Variants in RNF20 observed in about 807,000 individuals in gnomAD.
The protein encoded by RNF20 is E3 ubiquitin-protein ligase BRE1A.
In RNF20, 84 loss-of-function variants were observed where a neutral mutation model predicts 126.2. The ratio of observed to expected loss-of-function variants is 0.67; its 90% CI spans 0.56 to 0.80. RNF20 has a LOEUF of 0.80. Ranked by LOEUF, RNF20 falls within the 30% of genes least tolerant of loss-of-function variation. The pLI is 0.00. For missense variants in RNF20, 869 were observed against 1,188.2 expected, an observed-to-expected ratio of 0.73 and a Z score of 3.95; for synonymous variants, 400 against 414.3, an observed-to-expected ratio of 0.97 and a Z score of 0.42.
chr9:101,552,768 T>G lies in RNF20; in HGVS notation c.1901+15T>G. 1.3e-6 allele frequency: 2 copies of G among 1,585,192 alleles called. No individual in the cohort carries two copies. The highest frequency in any genetic ancestry group is 1.7e-6 in the Non-Finnish European group (2 of 1,167,122). On this transcript the variant is annotated intron_variant, in intron 13 of 19. Transcript: ENST00000389120. ...ATTGAACTCAAGTAAGAACCACATT[T>G]AGAGTAACAGTTTCGACTGAAAAGC...
chr9:101,544,919 A>G (rs1420437065), intron 6 of RNF20, 34 bp downstream of exon 6: 6 of 1,317,388 alleles, frequency 4.6e-6, no homozygotes, highest in African/African-American at 2.9e-5. Flanking sequence ...GGCTGTGTCT[A>G]GTGGGCTGTG....
At position 101,560,819 on chromosome 9, in the gene RNF20, G is replaced by A; in HGVS notation, c.2401G>A (p.Val801Ile). 3 of 1,613,052 alleles carry A rather than the reference G, an allele frequency of 1.9e-6. No homozygotes were observed. Among genetic ancestry groups the A allele is most frequent in the Non-Finnish European group, 2.5e-6 (3 of 1,179,426 alleles). Residue 801 changes from valine (V) to isoleucine (I), a missense_variant, in exon 17 of 20, where the codon GTA becomes ATA. Coordinates refer to ENST00000389120, the MANE Select transcript of RNF20 (RefSeq NM_019592.7). ...TTCAAAGGTTGATGCCCAGCTACAG[G>A]TAGTAAGGAAACTGGAAGAGAAGGA... Reference protein sequence around the residue: ...LKTQVDAQLQVVRKLEEKEHL... With the variant: ...LKTQVDAQLQIVRKLEEKEHL...
chr9:101,534,626 G>T (rs1395334866), intron 1 of RNF20, among the ~76,000 whole-genome samples: 2 of 152,078 alleles, frequency 1.3e-5, no homozygotes, highest in Non-Finnish European at 2.9e-5. Flanking sequence ...TTATTCCTGG[G>T]TTAGGAAACT....
chr9:101,555,790 A>G (rs1435170374), intron 15 of RNF20, among the ~76,000 whole-genome samples: 1 of 136,638 alleles, frequency 7.3e-6, no homozygotes, highest in African/African-American at 2.7e-5. Flanking sequence ...CATCACTATT[A>G]AAAAAAAAAA....
rs758143655 is a variant in RNF20 at position 101,540,641 on chromosome 9, A to C, written c.445+4A>C. ...CGTAAAGATGACCGAGAGAGAGGCA[A>C]GTGTTCGTGATGGATTCTATCACTG... is the stretch of plus-strand genomic sequence containing the variant. On this transcript the variant is annotated splice_donor_region_variant and intron_variant, in intron 4 of 19. Transcript: ENST00000389120. The C allele has an allele frequency of 1.2e-6, 2 of 1,614,054 alleles. No individual in the cohort carries two copies. Among genetic ancestry groups the C allele is most frequent in the Non-Finnish European group, 8.5e-7 (1 of 1,179,992 alleles).
Position 101,552,632 on chromosome 9 carries a change from A to G in RNF20, c.1780A>G (p.Lys594Glu), listed in dbSNP as rs1827467594. Residue 594 changes from lysine (K) to glutamate (E), a missense_variant, in exon 13 of 20, where the codon AAG becomes GAG. Lys to Glu is a moderately conservative substitution (Grantham distance 56). Transcript: ENST00000389120. ...GAAGGAGAAGGAGAGAGAACGAGAG[A>G]AGCAGAAGCTAAAAGAGTCAGAAAA... The part of the protein sequence containing the change: ...REKEKERERE[K>E]QKLKESEKER... The G allele has an allele frequency of 6.6e-7, 1 of 1,524,994 alleles. No individual in the cohort carries two copies. Among genetic ancestry groups the G allele is most frequent in the African/African-American group, 1.4e-5 (1 of 73,042 alleles). The allele number at this position is 1,524,994 out of a possible 1,614,324, so 94.5% of individuals were successfully genotyped here. A position where few individuals can be genotyped will look rare whatever the true frequency, so the allele number is the denominator to read the frequency against.
intron 15 of RNF20, among the ~76,000 whole-genome samples, chr9:101,556,745 T>G (rs1288806067): frequency 2.0e-5 from 3 of 151,928 alleles, no homozygotes; most frequent in Middle Eastern, 3.2e-3. Context: ...GCCAAAAGAT[T>G]AAATGACAAA....
chr9:101,535,961 A>G (rs868041412), intron 2 of RNF20, among the ~76,000 whole-genome samples: 7 of 152,324 alleles, frequency 4.6e-5, no homozygotes, highest in Middle Eastern at 3.4e-3. Flanking sequence ...GAGCTGTACC[A>G]CTTCCTAGCT....
Position 101,552,771 on chromosome 9 carries a change from A to G in RNF20, c.1901+18A>G, listed in dbSNP as rs1417733354. ...GAACTCAAGTAAGAACCACATTTAGAGTAACAGTTTCGACTGAAAAGCTAA... is the reference window on the plus strand; with the variant it reads ...GAACTCAAGTAAGAACCACATTTAGGGTAACAGTTTCGACTGAAAAGCTAA... On this transcript the variant is annotated intron_variant, in intron 13 of 19. Transcript: ENST00000389120. 16 of 1,579,368 alleles carry G rather than the reference A, an allele frequency of 1.0e-5. No individual in the cohort carries two copies. The East Asian group carries it at 3.6e-4, about 35-fold the overall frequency.
intron 18 of RNF20, 38 bp from the exon 19 acceptor site, chr9:101,561,872 G>C (rs564917841): frequency 7.6e-7 from 1 of 1,321,008 alleles, no homozygotes; most frequent in South Asian, 1.2e-5. Context: ...TGATAGATTT[G>C]GGTAAGTGTG....
At position 101,550,802 on chromosome 9, in the gene RNF20, G is replaced by C; in HGVS notation, c.1272+17G>C. 1 of 1,612,314 alleles carries C rather than the reference G, an allele frequency of 6.2e-7. No individual in the cohort carries two copies. Among genetic ancestry groups the C allele is most frequent in the African/African-American group, 1.3e-5 (1 of 74,980 alleles). ...CTTATTGAGGTAATAGCCTTGCCTT[G>C]TCTTTTGTATGTAAGCTTTCTTGCC... On this transcript the variant is annotated intron_variant, in intron 10 of 19. Transcript: ENST00000389120.
chr9:101,549,471 G>A (rs117604338), intron 9 of RNF20, among the ~76,000 whole-genome samples: 9,274 of 152,246 alleles, frequency 0.061, 364 homozygotes, highest in Admixed American at 0.096. Flanking sequence ...GCCTAGGAGC[G>A]TGACCACTGA....
chr9:101,553,273 C>CAT (rs1313022674), intron 13 of RNF20, among the ~76,000 whole-genome samples: 7 of 152,168 alleles, frequency 4.6e-5, no homozygotes, highest in African/African-American at 1.7e-4. Flanking sequence ...TTTTCTGTGT[C>CAT]ATAACCTTAT....
At chr9:101,542,791 T>C (rs530413471) in intron 5 of RNF20, among the ~76,000 whole-genome samples, 1 of 152,370 alleles carries the variant, frequency 6.6e-6, no homozygotes, top group East Asian at 1.9e-4. Flanking sequence ...TTAAAATTAC[T>C]ATTTAATGGC....
At position 101,562,022 on chromosome 9, in the gene RNF20, A is replaced by G. The variant is rs754141230; in HGVS notation, c.2751+11A>G. Reference sequence around the variant, plus strand: ...ATTAAGGATTACAAGGTTAGAAAAAATGCCTTAGTGATTAGTTTTTTGTCA... The same window carrying G: ...ATTAAGGATTACAAGGTTAGAAAAAGTGCCTTAGTGATTAGTTTTTTGTCA... On this transcript the variant is annotated intron_variant, in intron 19 of 19. Coordinates refer to ENST00000389120, the MANE Select transcript of RNF20 (RefSeq NM_019592.7). The G allele has an allele frequency of 6.3e-6, 10 of 1,577,394 alleles. No homozygotes were observed. The East Asian group carries it at 1.8e-4, about 28-fold the overall frequency.
rs1827243687 is a variant in RNF20, at chr9:101,540,481, C to T, written c.298-9C>T. On this transcript the variant is annotated splice_polypyrimidine_tract_variant and intron_variant, in intron 3 of 19. Coordinates refer to ENST00000389120, the MANE Select transcript of RNF20 (RefSeq NM_019592.7). ...TTGTTTCTTCATAATTGTACCTACC[C>T]TTCTCCAGTTTGATGAAAACATCCG... 1 of 1,613,426 alleles carries T rather than the reference C, an allele frequency of 6.2e-7. No homozygotes were observed. Among genetic ancestry groups the T allele is most frequent in the African/African-American group, 1.3e-5 (1 of 74,870 alleles).
chr9:101,551,876 A>G, intron 11 of RNF20, 57 bp downstream of exon 11: 3 of 1,537,744 alleles, frequency 2.0e-6, no homozygotes, highest in South Asian at 1.3e-5. Context: ...CTTGAAAGAT[A>G]CAACACAGAC....
At chr9:101,551,592 G>T in intron 10 of RNF20, 92 bp from the exon 11 acceptor site, 1 of 601,378 alleles carries the variant, frequency 1.7e-6, no homozygotes. Context: ...CGTATAGATT[G>T]AACTGGAAAT....
chr9:101,546,283 G>C (rs968930719), intron 6 of RNF20, among the ~76,000 whole-genome samples: 8 of 152,102 alleles, frequency 5.3e-5, no homozygotes. Context: ...CTCCTAAATA[G>C]AGTATCTGAC....
Sources: allele counts gnomAD v4.1 joint callset (sites outside exome capture counted in the v4.1 genomes callset), GRCh38; gene constraint gnomAD v4.1.1; transcripts MANE v1.5; gene names NCBI Gene and HGNC (gene_info 2026-07-23, HGNC 2026-07-21).